The following CASK variants were observed in gnomAD, a reference collection of about 807,000 sequenced individuals.
The protein encoded by CASK is calcium/calmodulin dependent serine protein kinase.
CASK carries 4 observed loss-of-function variants against 82.9 expected under a neutral mutation model. The observed-to-expected ratio is 0.05, with a 90% CI of 0.02 to 0.11. The LOEUF is 0.11. Among genes scored for constraint, CASK ranks in the 10% least tolerant of loss-of-function variants. The pLI is 1.00. For missense variants in CASK, 358 were observed against 720.9 expected (o/e 0.50, Z 5.76); for synonymous variants, 259 against 253.5 (o/e 1.02, Z -0.20).
At chrX:41,873,929 T>G (rs1039758176) in intron 1 of CASK, among the ~76,000 whole-genome samples, 1 of 108,979 alleles carries the variant, frequency 9.2e-6, no homozygotes, top group African/African-American at 3.4e-5. Flanking sequence ...TGGCTGGGTC[T>G]ATAGGCGCAC....
chrX:41,531,521 T>C (rs951363348), intron 24 of CASK, among the ~76,000 whole-genome samples: 3 of 112,140 alleles, frequency 2.7e-5, no homozygotes, highest in African/African-American at 9.7e-5. Context: ...AAGATTAATA[T>C]AACTCACTGT....
intron 1 of CASK, among the ~76,000 whole-genome samples, chrX:41,887,156 T>A (rs759289801): frequency 2.1e-4 from 23 of 110,697 alleles, no homozygotes; most frequent in Non-Finnish European, 3.8e-4. Flanking sequence ...CAAAATACTA[T>A]ACAACCTTCA....
intron 12 of CASK, among the ~76,000 whole-genome samples, chrX:41,590,923 A>G (rs950040952): frequency 8.9e-6 from 1 of 112,186 alleles, no homozygotes; most frequent in Non-Finnish European, 1.9e-5. Context: ...TTTGGGCCAC[A>G]TCATACATAA....
chrX:41,865,372 CT>C (rs1480497064), intron 1 of CASK, among the ~76,000 whole-genome samples: 2 of 110,334 alleles, frequency 1.8e-5, no homozygotes, highest in African/African-American at 6.6e-5. Context: ...ATTCTTGACC[CT>C]TTTTTTTTCT....
chrX:41,635,334 T>A (rs913870070), intron 9 of CASK, among the ~76,000 whole-genome samples: 1 of 111,802 alleles, frequency 8.9e-6, no homozygotes, highest in Admixed American at 9.6e-5. Context: ...TACATAATAA[T>A]TCACTAATTT....
chrX:41,770,090 A>G (rs781130466), intron 3 of CASK, among the ~76,000 whole-genome samples: 1 of 111,403 alleles, frequency 9.0e-6, no homozygotes, highest in Non-Finnish European at 1.9e-5. Flanking sequence ...TAACCAGCAA[A>G]AATAACAGAC....
chrX:41,699,020 G>C (rs1015247056), intron 5 of CASK, among the ~76,000 whole-genome samples: 1 of 110,781 alleles, frequency 9.0e-6, no homozygotes, highest in East Asian at 2.8e-4. Flanking sequence ...TCTGTCTCCC[G>C]GGTTCAAGTG....
chrX:41,637,083 C>T (rs2066567465), intron 8 of CASK, among the ~76,000 whole-genome samples: 1 of 110,717 alleles, frequency 9.0e-6, no homozygotes, highest in Admixed American at 9.7e-5. Flanking sequence ...CCTCAGCCTC[C>T]TGAGTAGCTG....
intron 8 of CASK, among the ~76,000 whole-genome samples, chrX:41,645,056 T>A (rs750135728): frequency 1.8e-5 from 2 of 111,384 alleles, no homozygotes; most frequent in African/African-American, 6.5e-5. Context: ...GTACTTGATG[T>A]CTGTCACCTA....
intron 11 of CASK, among the ~76,000 whole-genome samples, chrX:41,614,351 A>T (rs2066158470): frequency 9.0e-6 from 1 of 111,653 alleles, no homozygotes; most frequent in Non-Finnish European, 1.9e-5. Flanking sequence ...GTCCCTCTAA[A>T]AATTAAAAAA....
intron 5 of CASK, among the ~76,000 whole-genome samples, chrX:41,710,450 G>A: frequency 9.0e-6 from 1 of 111,398 alleles, no homozygotes; most frequent in East Asian, 2.8e-4. Flanking sequence ...CACTGAAGTC[G>A]CTAGAGTTTC....
intron 5 of CASK, among the ~76,000 whole-genome samples, chrX:41,730,945 T>A (rs781182482): frequency 8.0e-5 from 9 of 111,908 alleles, no homozygotes; most frequent in Non-Finnish European, 1.5e-4. Context: ...GCTCAAATAA[T>A]CTGCCCATCT....
chrX:41,885,764 G>A (rs1291520778), intron 1 of CASK, among the ~76,000 whole-genome samples: 3 of 111,497 alleles, frequency 2.7e-5, no homozygotes, highest in Non-Finnish European at 5.7e-5. Flanking sequence ...AAGAAATAAC[G>A]GACCAGGGTG....
intron 25 of CASK, among the ~76,000 whole-genome samples, chrX:41,530,175 C>A (rs1340338348): frequency 1.8e-5 from 2 of 111,461 alleles, no homozygotes; most frequent in African/African-American, 6.5e-5. Context: ...ATGGCACCCA[C>A]AAGCCTCTCC....
intron 1 of CASK, among the ~76,000 whole-genome samples, chrX:41,874,253 T>C (rs2148013332): frequency 8.9e-6 from 1 of 111,847 alleles, no homozygotes; most frequent in Admixed American, 9.4e-5. Flanking sequence ...ACGTGTGCCA[T>C]GGTGGTTTGT....
At chrX:41,735,724 T>G (rs2147708140) in intron 5 of CASK, among the ~76,000 whole-genome samples, 1 of 110,838 alleles carries the variant, frequency 9.0e-6, no homozygotes, top group East Asian at 2.8e-4. Flanking sequence ...TTCCTGTCTT[T>G]CGGTCTTTGC....
chrX:41,908,591 G>C (rs991102884), intron 1 of CASK, among the ~76,000 whole-genome samples: 6 of 111,790 alleles, frequency 5.4e-5, no homozygotes. Context: ...TGTTAAACAG[G>C]CTACCACCAC....
chrX:41,890,242 G>A (rs113913682), intron 1 of CASK, among the ~76,000 whole-genome samples: 1,571 of 34,117 alleles, frequency 0.046, 33 homozygotes, highest in East Asian at 0.21. Flanking sequence ...GTGTGTGTAT[G>A]TGTGTGTGTG....
Position 41,517,749 on chromosome X carries a change from T to C in CASK, c.*2671A>G. The C allele has an allele frequency of 4.3e-6, 3 of 694,186 alleles. 1 individual carries two copies. The highest frequency in any genetic ancestry group is 5.4e-5 in the Admixed American group (2 of 37,359). The allele number at this position is 694,186 out of a possible 1,213,427, so 57.2% of individuals were successfully genotyped here. A position where few individuals can be genotyped will look rare whatever the true frequency, so the allele number is the denominator to read the frequency against. ...TTAGCAATTTTCTCTGATTGCTTAG[T>C]GGACAATTGTAATGTAGCAGTAGCA... is the stretch of plus-strand genomic sequence containing the variant. On this transcript the variant is annotated 3_prime_UTR_variant, in exon 27 of 27. Coordinates refer to ENST00000378163, the MANE Select transcript of CASK (RefSeq NM_001367721.1).
Sources: gnomAD v4.1 joint callset for allele counts (sites outside exome capture counted in the v4.1 genomes callset) on GRCh38, gnomAD v4.1.1 for gene constraint, MANE v1.5 for transcripts, NCBI Gene and HGNC (gene_info 2026-07-23, HGNC 2026-07-21) for gene names.